Variants in PRKCA observed in about 807,000 individuals in gnomAD.
The protein encoded by PRKCA is protein kinase C alpha type.
Under a neutral mutation model 87.0 loss-of-function variants are expected in PRKCA, and 27 were observed. That is an observed-to-expected ratio of 0.31 (90% confidence interval 0.23 to 0.43). The LOEUF is 0.43. Among genes scored for constraint, PRKCA ranks in the 20% least tolerant of loss-of-function variants. The probability of loss-of-function intolerance (pLI) is 1.00; values close to 1 mark genes in which losing one functional copy is unlikely to be tolerated. For missense variants in PRKCA, 518 were observed against 852.3 expected (o/e 0.61, Z 4.88); for synonymous variants, 329 against 311.1 (o/e 1.06, Z -0.61).
intron 3 of PRKCA, among the ~76,000 whole-genome samples, chr17:66,565,586 G>T (rs1968865454): frequency 6.6e-6 from 1 of 152,186 alleles, no homozygotes; most frequent in Admixed American, 6.5e-5. Flanking sequence ...GCGGCTTCAG[G>T]ATGCATGGCC....
intron 13 of PRKCA, among the ~76,000 whole-genome samples, chr17:66,766,191 G>T (rs533947498): frequency 1.3e-3 from 202 of 152,332 alleles, no homozygotes; most frequent in African/African-American, 4.5e-3. Flanking sequence ...CTTGGAGGAA[G>T]GAGAGCGTGT....
At chr17:66,617,275 T>C (rs1970544530) in intron 3 of PRKCA, among the ~76,000 whole-genome samples, 1 of 152,168 alleles carries the variant, frequency 6.6e-6, no homozygotes, top group Admixed American at 6.5e-5. Flanking sequence ...GTTTTCCTCA[T>C]GTTTATAATC....
At chr17:66,450,377 G>A (rs547669136) in intron 2 of PRKCA, among the ~76,000 whole-genome samples, 1 of 152,316 alleles carries the variant, frequency 6.6e-6, no homozygotes, top group Non-Finnish European at 1.5e-5. Context: ...GGGTGGTACT[G>A]AGTGCTAAGT....
intron 2 of PRKCA, among the ~76,000 whole-genome samples, chr17:66,432,492 A>ATTT (rs1913151893): frequency 6.6e-6 from 1 of 152,012 alleles, no homozygotes; most frequent in African/African-American, 2.4e-5. Flanking sequence ...GTGGTGATTA[A>ATTT]TCTTCCTCCC....
intron 13 of PRKCA, among the ~76,000 whole-genome samples, chr17:66,746,579 C>T (rs371636956): frequency 1.3e-5 from 2 of 152,164 alleles, no homozygotes; most frequent in Admixed American, 6.5e-5. Flanking sequence ...ATAGGCAAAG[C>T]GGAGGCTTAA....
In PRKCA at chr17:66,725,647, C is replaced by CA. The variant is rs113071133; in HGVS notation, c.919-7028dup. ...GCAACATGGTAAAACCGCATGTCTA[C>CA]AAAAAAAAAAAAATTAGCTGGGTGT... On this transcript the variant is annotated intron_variant, in intron 8 of 16. Transcript: ENST00000413366. Among the ~76,000 whole-genome samples, 1,012 of 136,910 alleles carry CA rather than the reference C, an allele frequency of 7.4e-3. 14 individuals carry two copies. The highest frequency in any genetic ancestry group is 0.023 in the African/African-American group (859 of 37,968). 89.8% of individuals were successfully genotyped at this position (136,910 alleles called of 152,430 possible). A position where few individuals can be genotyped will look rare whatever the true frequency, so the allele number is the denominator to read the frequency against.
intron 14 of PRKCA, among the ~76,000 whole-genome samples, chr17:66,776,336 G>C (rs1975048558): frequency 6.6e-6 from 1 of 152,098 alleles, no homozygotes; most frequent in Non-Finnish European, 1.5e-5. Context: ...TTTTGAGATG[G>C]AGTTTTGCTC....
intron 2 of PRKCA, among the ~76,000 whole-genome samples, chr17:66,426,988 G>A (rs1912843534): frequency 6.6e-6 from 1 of 151,950 alleles, no homozygotes; most frequent in Admixed American, 6.6e-5. Context: ...TTTAAGGCAG[G>A]GGTTGGCAAA....
chr17:66,657,805 C>T (rs1971777598), intron 5 of PRKCA, among the ~76,000 whole-genome samples: 1 of 151,924 alleles, frequency 6.6e-6, no homozygotes, highest in African/African-American at 2.4e-5. Flanking sequence ...ATGGCAGGGA[C>T]TCTGTTATCC....
intron 3 of PRKCA, among the ~76,000 whole-genome samples, chr17:66,500,860 G>A (rs1412162388): frequency 1.3e-5 from 2 of 152,134 alleles, no homozygotes; most frequent in African/African-American, 2.4e-5. Flanking sequence ...CAGGCTCAGT[G>A]AGGAAGACCA....
intron 2 of PRKCA, among the ~76,000 whole-genome samples, chr17:66,446,541 C>T (rs1914047785): frequency 6.6e-6 from 1 of 152,146 alleles, no homozygotes; most frequent in Non-Finnish European, 1.5e-5. Flanking sequence ...GTTGATGTGG[C>T]TAAATTTAGA....
intron 16 of PRKCA, among the ~76,000 whole-genome samples, chr17:66,796,013 G>A (rs8074995): frequency 0.13 from 19,936 of 152,196 alleles, 1,401 homozygotes; most frequent in East Asian, 0.18. Flanking sequence ...CTGCAGTGCT[G>A]TAGGTGAGCT....
At chr17:66,570,818 A>G (rs1358066980) in intron 3 of PRKCA, among the ~76,000 whole-genome samples, 2 of 152,154 alleles carry the variant, frequency 1.3e-5, no homozygotes, top group Non-Finnish European at 2.9e-5. Context: ...ATCTGGTGGG[A>G]TGTTCTCTGG....
chr17:66,780,248 A>G (rs1975172835), intron 14 of PRKCA, among the ~76,000 whole-genome samples: 1 of 152,222 alleles, frequency 6.6e-6, no homozygotes, highest in Non-Finnish European at 1.5e-5. Flanking sequence ...TGTGCCATGG[A>G]ACAGTGGATC....
At position 66,337,630 on chromosome 17, in the gene PRKCA, C is replaced by A. The variant is rs532695880; in HGVS notation, c.205+31503C>A. Among the ~76,000 whole-genome samples, 323 of 152,258 alleles carry A rather than the reference C, an allele frequency of 2.1e-3. 1 individual carries two copies. Among genetic ancestry groups the A allele is most frequent in the Non-Finnish European group, 3.9e-3 (267 of 68,014 alleles). On this transcript the variant is annotated intron_variant, in intron 2 of 16. Transcript: ENST00000413366. ...CAAACTCCCGGTCTTAAGCAATCCACCTGCCTTGGCTTCCCAAAATTCTGG... is the reference window on the plus strand; with the variant it reads ...CAAACTCCCGGTCTTAAGCAATCCAACTGCCTTGGCTTCCCAAAATTCTGG...
chr17:66,547,913 C>T (rs529836990), intron 3 of PRKCA, among the ~76,000 whole-genome samples: 1 of 152,254 alleles, frequency 6.6e-6, no homozygotes, highest in East Asian at 1.9e-4. Context: ...TAATTTTGAC[C>T]AGAAACATTG....
intron 3 of PRKCA, among the ~76,000 whole-genome samples, chr17:66,549,709 AGAG>A (rs1292580253): frequency 6.6e-6 from 1 of 150,946 alleles, no homozygotes; most frequent in Non-Finnish European, 1.5e-5. Flanking sequence ...CTGATGAGAG[AGAG>A]GAGTAAAAAA....
At chr17:66,517,897 G>A (rs967031721) in intron 3 of PRKCA, among the ~76,000 whole-genome samples, 1 of 152,168 alleles carries the variant, frequency 6.6e-6, no homozygotes, top group African/African-American at 2.4e-5. Flanking sequence ...TGACCATAAC[G>A]TGGACCATCT....
At position 66,519,144 on chromosome 17, in the gene PRKCA, C is replaced by T. The variant is rs576556094; in HGVS notation, c.288+22861C>T. ...GAGCTATGTCCTGGTTTGGGGCCGT[C>T]CGTTGTTAGGTGCTCCATTAGGGCT... On this transcript the variant is annotated intron_variant, in intron 3 of 16. Coordinates refer to ENST00000413366, the MANE Select transcript of PRKCA (RefSeq NM_002737.3). Among the ~76,000 whole-genome samples, 17 of 152,114 alleles carry T rather than the reference C, an allele frequency of 1.1e-4. No individual in the cohort carries two copies. In the South Asian group the frequency reaches 3.1e-3, roughly 28 times the overall value.
Sources: allele counts gnomAD v4.1 joint callset (sites outside exome capture counted in the v4.1 genomes callset), GRCh38; gene constraint gnomAD v4.1.1; transcripts MANE v1.5; gene names NCBI Gene and HGNC (gene_info 2026-07-23, HGNC 2026-07-21).